Variants in ST3GAL6 observed in about 807,000 individuals in gnomAD.
The protein encoded by ST3GAL6 is ST3 beta-galactoside alpha-2,3-sialyltransferase 6, also known as type 2 lactosamine alpha-2,3-sialyltransferase.
ST3GAL6 carries 31 observed loss-of-function variants against 40.5 expected under a neutral mutation model. That is an observed-to-expected ratio of 0.77 (90% CI 0.58 to 1.03). The LOEUF (loss-of-function observed/expected upper bound fraction) is 1.03. Ranked by LOEUF, ST3GAL6 falls within the 50% of genes least tolerant of loss-of-function variation. The pLI is 0.00. For missense variants in ST3GAL6, 357 were observed against 393.2 expected (o/e 0.91, Z 0.78); for synonymous variants, 129 against 136.9 (o/e 0.94, Z 0.40).
intron 5 of ST3GAL6, 78 bp from the exon 6 acceptor site, chr3:98,784,867 T>C: frequency 8.5e-7 from 1 of 1,180,050 alleles, no homozygotes; most frequent in Non-Finnish European, 1.2e-6. Context: ...GCACTGGGTT[T>C]CTGACAGTAT....
intron 6 of ST3GAL6, among the ~76,000 whole-genome samples, chr3:98,787,142 G>A (rs557639854): frequency 6.6e-6 from 1 of 152,196 alleles, no homozygotes; most frequent in South Asian, 2.1e-4. Flanking sequence ...TATCCATTTT[G>A]AGGAAGCTGT....
chr3:98,741,601 A>G (rs1429419185), intron 1 of ST3GAL6, among the ~76,000 whole-genome samples: 3 of 152,174 alleles, frequency 2.0e-5, no homozygotes, highest in Non-Finnish European at 4.4e-5. Context: ...ATAAGGCAGG[A>G]CAGGCCGTAG....
At chr3:98,787,606 A>G (rs990759823) in intron 6 of ST3GAL6, among the ~76,000 whole-genome samples, 3 of 152,166 alleles carry the variant, frequency 2.0e-5, no homozygotes, top group Non-Finnish European at 4.4e-5. Context: ...AACCAACTTA[A>G]ATGTGATTCT....
At chr3:98,793,343 T>C (rs541616510) in intron 9 of ST3GAL6, among the ~76,000 whole-genome samples, 19 of 152,350 alleles carry the variant, frequency 1.2e-4, no homozygotes, top group African/African-American at 4.6e-4. Context: ...TTTAAACTGA[T>C]TTCTAGGGGC....
chr3:98,783,496 C>T (rs965377282), intron 5 of ST3GAL6: 5 of 920,030 alleles, frequency 5.4e-6, no homozygotes, highest in African/African-American at 1.8e-5. Context: ...AAATGGACAT[C>T]AGCCACATTT....
intron 1 of ST3GAL6, among the ~76,000 whole-genome samples, chr3:98,751,025 C>T (rs1936971663): frequency 1.3e-5 from 2 of 149,894 alleles, no homozygotes; most frequent in South Asian, 4.3e-4. Context: ...TCTTTACCAA[C>T]TTATCCAGAC....
intron 1 of ST3GAL6, among the ~76,000 whole-genome samples, chr3:98,739,207 G>T (rs1935843009): frequency 6.6e-6 from 1 of 152,054 alleles, no homozygotes; most frequent in Non-Finnish European, 1.5e-5. Context: ...ACTGCTAAGA[G>T]GGAAGTTTAT....
intron 5 of ST3GAL6, among the ~76,000 whole-genome samples, chr3:98,778,857 C>T (rs556525071): frequency 6.6e-6 from 1 of 152,322 alleles, no homozygotes; most frequent in Non-Finnish European, 1.5e-5. Flanking sequence ...ATTTAAACTA[C>T]GTGGACATTT....
At chr3:98,739,246 A>G (rs1268731333) in intron 1 of ST3GAL6, among the ~76,000 whole-genome samples, 1 of 152,096 alleles carries the variant, frequency 6.6e-6, no homozygotes, top group Non-Finnish European at 1.5e-5. Flanking sequence ...CAAAAATTCA[A>G]AAAGATCCCA....
chr3:98,738,232 T>G (rs1195618774), intron 1 of ST3GAL6, among the ~76,000 whole-genome samples: 3 of 151,992 alleles, frequency 2.0e-5, no homozygotes, highest in Admixed American at 2.0e-4. Context: ...CGTGAGCCAA[T>G]TAAACCTCTT....
At chr3:98,771,626 T>C (rs1938999332) in intron 3 of ST3GAL6, among the ~76,000 whole-genome samples, 1 of 152,228 alleles carries the variant, frequency 6.6e-6, no homozygotes, top group Admixed American at 6.5e-5. Flanking sequence ...AATTCATTTT[T>C]TTTCCTATTG....
At chr3:98,756,508 G>A (rs2107367496) in intron 1 of ST3GAL6, 4 of 1,281,528 alleles carry the variant, frequency 3.1e-6, no homozygotes, top group Middle Eastern at 2.2e-4. Flanking sequence ...TGCGAACAGA[G>A]GGTCTTTAGG....
At chr3:98,780,270 G>A (rs1939969037) in intron 5 of ST3GAL6, among the ~76,000 whole-genome samples, 2 of 152,172 alleles carry the variant, frequency 1.3e-5, no homozygotes, top group African/African-American at 4.8e-5. Flanking sequence ...TGTAGATAAA[G>A]TGTTATTGCC....
chr3:98,794,507 G>A lies in ST3GAL6; in HGVS notation c.*746G>A, dbSNP rs1941454637. 6.6e-6 allele frequency: 1 copy of A among 151,040 alleles called. No individual in the cohort carries two copies. The highest frequency in any genetic ancestry group is 2.4e-5 in the African/African-American group (1 of 41,110). The allele number at this position is 151,040 out of a possible 1,614,324, so 9.4% of individuals were successfully genotyped here. Reference sequence around the variant, plus strand: ...TCTTGAACATTATTTTTTTTTGCCTGACTTACTTATTCATTAAATTTTGAA... The same window carrying A: ...TCTTGAACATTATTTTTTTTTGCCTAACTTACTTATTCATTAAATTTTGAA... On this transcript the variant is annotated 3_prime_UTR_variant, in exon 10 of 10. Coordinates refer to ENST00000483910, the MANE Select transcript of ST3GAL6 (RefSeq NM_001323368.2).
At chr3:98,780,897 A>G (rs1182285591) in intron 5 of ST3GAL6, among the ~76,000 whole-genome samples, 1 of 152,224 alleles carries the variant, frequency 6.6e-6, no homozygotes, top group Non-Finnish European at 1.5e-5. Flanking sequence ...TTCATTGTTG[A>G]GCAATGTTAT....
At chr3:98,773,170 C>T (rs190549559) in intron 4 of ST3GAL6, 23 of 234,832 alleles carry the variant, frequency 9.8e-5, no homozygotes, top group Admixed American at 4.4e-4. Flanking sequence ...TTTGCTCTGC[C>T]GCCATGTGAT....
At position 98,768,504 on chromosome 3, in the gene ST3GAL6, A is replaced by G; in HGVS notation, c.64A>G (p.Ile22Val). 6.2e-7 allele frequency: 1 copy of G among 1,612,844 alleles called. No homozygotes were observed. The highest frequency in any genetic ancestry group is 8.5e-7 in the Non-Finnish European group (1 of 1,178,986). The change falls in exon 2 of 10, where the codon ATA becomes GTA. Residue 22 changes from isoleucine to valine, a missense_variant. Physicochemically the swap from Ile to Val is conservative, Grantham distance 29. Coordinates refer to ENST00000483910, the MANE Select transcript of ST3GAL6 (RefSeq NM_001323368.2). ...AVFLYYVLHC[I>V]LWGTNVYWVA... ...CTTCCTCTATTATGTACTGCATTGC[A>G]TATTATGGGGAACGAATGTCTATTG...
At chr3:98,774,274 A>C (rs1388168221) in intron 5 of ST3GAL6, among the ~76,000 whole-genome samples, 1 of 152,180 alleles carries the variant, frequency 6.6e-6, no homozygotes, top group Non-Finnish European at 1.5e-5. Flanking sequence ...CTACTTAAGA[A>C]TTAGTTCACC....
chr3:98,759,225 G>T (rs1208256613), upstream of ST3GAL6, among the ~76,000 whole-genome samples: 1 of 152,200 alleles, frequency 6.6e-6, no homozygotes, highest in Non-Finnish European at 1.5e-5. Flanking sequence ...TAGCTAAGGT[G>T]AGAAGTAATG....
Sources: allele counts gnomAD v4.1 joint callset (sites outside exome capture counted in the v4.1 genomes callset), GRCh38; gene constraint gnomAD v4.1.1; transcripts MANE v1.5; gene names NCBI Gene and HGNC (gene_info 2026-07-23, HGNC 2026-07-21).